The following SUMF1 variants were observed in gnomAD, a reference collection of about 807,000 sequenced individuals.
SUMF1 encodes sulfatase modifying factor 1.
In SUMF1, 48 loss-of-function variants were observed where a neutral mutation model predicts 47.6. The ratio of observed to expected loss-of-function variants is 1.01; its 90% CI spans 0.80 to 1.28. The LOEUF is 1.28. SUMF1 is among the 50% of genes most tolerant of loss of function. SUMF1 has a pLI of 0.00. For synonymous variants in SUMF1, 230 were observed against 192.1 expected (o/e 1.20, Z -1.63); for missense variants, 571 against 485.4 (o/e 1.18, Z -1.66).
At chr3:4,117,558 A>C (rs1693450915) in intron 8 of SUMF1, among the ~76,000 whole-genome samples, 1 of 152,080 alleles carries the variant, frequency 6.6e-6, no homozygotes, top group South Asian at 2.1e-4. Flanking sequence ...GCCTGGGCTT[A>C]GAGTCAGAAG....
At chr3:4,089,124 A>G (rs1342656839) in intron 8 of SUMF1, among the ~76,000 whole-genome samples, 2 of 152,142 alleles carry the variant, frequency 1.3e-5, no homozygotes, top group African/African-American at 4.8e-5. Flanking sequence ...CAGATTATGT[A>G]TAATTATCCC....
At chr3:4,274,301 A>T (rs909366320) in intron 8 of SUMF1, among the ~76,000 whole-genome samples, 1 of 152,126 alleles carries the variant, frequency 6.6e-6, no homozygotes, top group Non-Finnish European at 1.5e-5. Flanking sequence ...AATTTCACCA[A>T]GAAACTAAAT....
chr3:4,282,347 A>T (rs1407539834), intron 8 of SUMF1, among the ~76,000 whole-genome samples: 1 of 152,180 alleles, frequency 6.6e-6, no homozygotes, highest in Non-Finnish European at 1.5e-5. Flanking sequence ...AAGAATTTTG[A>T]ATTTTGCCTT....
intron 8 of SUMF1, among the ~76,000 whole-genome samples, chr3:4,322,917 T>TA (rs919464700): frequency 3.3e-5 from 5 of 151,686 alleles, no homozygotes; most frequent in Admixed American, 6.6e-5. Context: ...GATGCTGTCT[T>TA]AAAAAAAAGT....
intron 8 of SUMF1, among the ~76,000 whole-genome samples, chr3:4,146,502 T>C (rs1013332523): frequency 6.6e-6 from 1 of 151,926 alleles, no homozygotes; most frequent in South Asian, 2.1e-4. Context: ...AAAAAGTCGG[T>C]AGTTATAGAT....
chr3:4,188,684 C>T (rs1237731473), intron 8 of SUMF1, among the ~76,000 whole-genome samples: 2 of 152,080 alleles, frequency 1.3e-5, no homozygotes, highest in Non-Finnish European at 2.9e-5. Flanking sequence ...TCTTTTAGTG[C>T]TGACTTACTG....
chr3:4,350,668 T>TAA (rs1310732982), intron 8 of SUMF1, among the ~76,000 whole-genome samples: 4 of 152,150 alleles, frequency 2.6e-5, no homozygotes, highest in African/African-American at 9.7e-5. Context: ...AATTCTTAAT[T>TAA]AAAGCAGTAG....
chr3:4,077,806 A>T (rs568585551), intron 8 of SUMF1, among the ~76,000 whole-genome samples: 40 of 151,446 alleles, frequency 2.6e-4, no homozygotes, highest in Admixed American at 6.6e-4. Flanking sequence ...AAAGTATAAT[A>T]AAAAAAAACT....
intron 8 of SUMF1, among the ~76,000 whole-genome samples, chr3:4,249,029 A>G (rs1304572513): frequency 1.3e-5 from 2 of 152,176 alleles, no homozygotes; most frequent in African/African-American, 4.8e-5. Context: ...CTTCTCACTG[A>G]GTGGCCTTGC....
chr3:4,435,182 C>A (rs1227535226), intron 3 of SUMF1, among the ~76,000 whole-genome samples: 4 of 152,148 alleles, frequency 2.6e-5, no homozygotes, highest in East Asian at 1.9e-4. Context: ...CCACCTCGGC[C>A]GCCCAAAGTG....
chr3:4,046,300 G>C (rs1420107488), intron 9 of SUMF1, among the ~76,000 whole-genome samples: 1 of 152,136 alleles, frequency 6.6e-6, no homozygotes, highest in Non-Finnish European at 1.5e-5. Flanking sequence ...CAAGTGGCCA[G>C]TGGTGCACCA....
At chr3:4,262,556 C>T (rs1235396152) in intron 8 of SUMF1, among the ~76,000 whole-genome samples, 2 of 152,172 alleles carry the variant, frequency 1.3e-5, no homozygotes, top group Non-Finnish European at 2.9e-5. Flanking sequence ...TGGCTCCTGG[C>T]TCCGCTTTCC....
At chr3:4,211,310 C>A (rs1443658535) in intron 8 of SUMF1, among the ~76,000 whole-genome samples, 2 of 148,180 alleles carry the variant, frequency 1.3e-5, no homozygotes, top group Non-Finnish European at 3.0e-5. Flanking sequence ...TTTTCCTGAT[C>A]CTCTCCTTCC....
intron 8 of SUMF1, among the ~76,000 whole-genome samples, chr3:4,224,385 G>C (rs1293892230): frequency 6.6e-6 from 1 of 152,044 alleles, no homozygotes; most frequent in Non-Finnish European, 1.5e-5. Context: ...CAGTGTTCAA[G>C]GCATATTTTG....
chr3:4,101,987 C>T (rs1346083853), intron 8 of SUMF1, among the ~76,000 whole-genome samples: 2 of 152,068 alleles, frequency 1.3e-5, no homozygotes, highest in Non-Finnish European at 2.9e-5. Flanking sequence ...GAGTGCTGAG[C>T]AAAAGGGGAA....
intron 8 of SUMF1, among the ~76,000 whole-genome samples, chr3:4,330,874 G>A (rs794204): frequency 0.057 from 8,742 of 152,172 alleles, 487 homozygotes; most frequent in South Asian, 0.31. Flanking sequence ...TGATCACAAA[G>A]TAAGATTTCC....
intron 8 of SUMF1, among the ~76,000 whole-genome samples, chr3:4,165,489 G>C (rs1323765113): frequency 2.0e-5 from 3 of 152,074 alleles, no homozygotes; most frequent in Non-Finnish European, 4.4e-5. Context: ...AGGAAGGCTA[G>C]GATATGGAGG....
chr3:4,110,911 T>G (rs1305955450), intron 8 of SUMF1, among the ~76,000 whole-genome samples: 1 of 149,954 alleles, frequency 6.7e-6, no homozygotes, highest in Non-Finnish European at 1.5e-5. Flanking sequence ...AGTTGATGGG[T>G]GCAGCACACC....
At chr3:4,459,180 T>G (rs1269653712) in intron 1 of SUMF1, among the ~76,000 whole-genome samples, 1 of 152,164 alleles carries the variant, frequency 6.6e-6, no homozygotes, top group Non-Finnish European at 1.5e-5. Context: ...TATTAAAAAA[T>G]AGATTTTAAA....
Sources: allele counts gnomAD v4.1 joint callset (sites outside exome capture counted in the v4.1 genomes callset), GRCh38; gene constraint gnomAD v4.1.1; transcripts MANE v1.5; gene names NCBI Gene and HGNC (gene_info 2026-07-23, HGNC 2026-07-21).